LIPI: variants seen among roughly 807,000 people sequenced by gnomAD.
LIPI encodes lipase member I.
Under a neutral mutation model 50.6 loss-of-function variants are expected in LIPI, and 59 were observed. The ratio of observed to expected loss-of-function variants is 1.16; its 90% confidence interval spans 0.94 to 1.45. The LOEUF (loss-of-function observed/expected upper bound fraction) is 1.45. Among genes scored for constraint, LIPI ranks in the 40% most tolerant of loss-of-function variants. LIPI has a pLI of 0.00. For synonymous variants in LIPI, 203 were observed against 178.2 expected (o/e 1.14, Z -1.11); for missense variants, 586 against 536.3 (o/e 1.09, Z -0.92).
At chr21:14,209,691 T>G (rs1247099734) in intron 1 of LIPI, among the ~76,000 whole-genome samples, 1 of 152,118 alleles carries the variant, frequency 6.6e-6, no homozygotes, top group Non-Finnish European at 1.5e-5. Context: ...GGCAACTGAC[T>G]AAATAAATAC....
At chr21:14,188,567 C>CA (rs577516831) in intron 2 of LIPI, among the ~76,000 whole-genome samples, 19,292 of 65,244 alleles carry the variant, frequency 0.3, 3,343 homozygotes, top group Non-Finnish European at 0.34. Context: ...GAACCTGTCT[C>CA]AAAAAAAAAA....
chr21:14,188,295 A>G (rs181106242), intron 2 of LIPI, among the ~76,000 whole-genome samples: 5 of 152,220 alleles, frequency 3.3e-5, no homozygotes, highest in African/African-American at 1.2e-4. Context: ...TACTTTTCAA[A>G]ATGATTTTTT....
chr21:14,133,037 G>A (rs1354205695), intron 9 of LIPI, among the ~76,000 whole-genome samples: 1 of 151,914 alleles, frequency 6.6e-6, no homozygotes, highest in Admixed American at 6.6e-5. Flanking sequence ...AACAAAAAAT[G>A]CCCAGGACCA....
At chr21:14,131,373 T>A (rs914485526) in intron 9 of LIPI, among the ~76,000 whole-genome samples, 1 of 152,114 alleles carries the variant, frequency 6.6e-6, no homozygotes, top group Non-Finnish European at 1.5e-5. Context: ...TCAGTTAGCA[T>A]CCAAGTCCCC....
chr21:14,206,839 G>A, intron 1 of LIPI: 1 of 1,609,694 alleles, frequency 6.2e-7, no homozygotes, highest in Non-Finnish European at 8.5e-7. Context: ...ACAACTAGAA[G>A]CCACAGGACA....
intron 9 of LIPI, among the ~76,000 whole-genome samples, chr21:14,127,863 C>T (rs1290999249): frequency 1.3e-5 from 2 of 151,944 alleles, no homozygotes; most frequent in East Asian, 3.9e-4. Context: ...ATGAAATTGT[C>T]TAAAATGAAG....
intron 1 of LIPI, among the ~76,000 whole-genome samples, chr21:14,204,123 T>G (rs372729767): frequency 2.0e-5 from 3 of 152,076 alleles, no homozygotes; most frequent in East Asian, 3.9e-4. Flanking sequence ...AGGAAGAATA[T>G]CTAATGGATG....
At chr21:14,137,422 G>A (rs2017539976) in intron 9 of LIPI, among the ~76,000 whole-genome samples, 1 of 152,094 alleles carries the variant, frequency 6.6e-6, no homozygotes, top group African/African-American at 2.4e-5. Context: ...CAGAAACTCT[G>A]GAGCTAAAAA....
chr21:14,172,544 T>G (rs896132568), intron 4 of LIPI, among the ~76,000 whole-genome samples: 4 of 151,444 alleles, frequency 2.6e-5, no homozygotes, highest in Non-Finnish European at 4.4e-5. Context: ...CCATAAAAAA[T>G]GATGAGTTCA....
At chr21:14,192,109 A>T (rs1475991402) in intron 1 of LIPI, among the ~76,000 whole-genome samples, 2 of 152,202 alleles carry the variant, frequency 1.3e-5, no homozygotes, top group Non-Finnish European at 2.9e-5. Flanking sequence ...CATTATTGTG[A>T]CATCATATAG....
Position 14,152,553 on chromosome 21 carries a change from A to C in LIPI, c.1118+20T>G. 8.4e-7 allele frequency: 1 copy of C among 1,184,836 alleles called. No homozygotes were observed. The highest frequency in any genetic ancestry group is 1.3e-6 in the Non-Finnish European group (1 of 796,110). 73.4% of individuals were successfully genotyped at this position (1,184,836 alleles called of 1,614,324 possible). On this transcript the variant is annotated intron_variant, in intron 8 of 9. Transcript: ENST00000681601. ...CAAACATTGAATATATGAGAGAAGA[A>C]AATAGTAAATTTTACTTACTCATAA...
intron 9 of LIPI, among the ~76,000 whole-genome samples, chr21:14,122,393 T>C (rs2016897460): frequency 6.6e-6 from 1 of 152,194 alleles, no homozygotes; most frequent in Non-Finnish European, 1.5e-5. Flanking sequence ...AAACCTTTGT[T>C]ACCCACATAT....
chr21:14,196,418 G>A (rs1188766146), intron 1 of LIPI, among the ~76,000 whole-genome samples: 6 of 152,166 alleles, frequency 3.9e-5, no homozygotes, highest in African/African-American at 1.4e-4. Context: ...CAGAGGTGTG[G>A]AAGGGATTAA....
chr21:14,154,184 G>A (rs1325074247), intron 7 of LIPI, among the ~76,000 whole-genome samples: 1 of 151,018 alleles, frequency 6.6e-6, no homozygotes, highest in Non-Finnish European at 1.5e-5. Context: ...ATAAATCAAT[G>A]AATACATTCA....
At chr21:14,134,433 G>GA (rs1281232413) in intron 9 of LIPI, among the ~76,000 whole-genome samples, 3 of 151,650 alleles carry the variant, frequency 2.0e-5, no homozygotes, top group African/African-American at 4.8e-5. Context: ...TATAGAATTA[G>GA]AAAAAAAATC....
intron 9 of LIPI, among the ~76,000 whole-genome samples, chr21:14,115,963 G>A (rs1200492062): frequency 1.3e-5 from 2 of 152,104 alleles, no homozygotes; most frequent in African/African-American, 2.4e-5. Flanking sequence ...CAGCAAGGTA[G>A]AGCTTGCTGG....
intron 9 of LIPI, among the ~76,000 whole-genome samples, chr21:14,122,032 T>C (rs1027048234): frequency 1.3e-5 from 2 of 152,210 alleles, no homozygotes; most frequent in African/African-American, 4.8e-5. Context: ...ATACTATTGC[T>C]TATACTGATT....
chr21:14,157,586 G>T (rs1413195580), intron 7 of LIPI, among the ~76,000 whole-genome samples: 4 of 151,752 alleles, frequency 2.6e-5, no homozygotes, highest in Non-Finnish European at 5.9e-5. Context: ...ATGAGAAAAA[G>T]TTTTGAGGCC....
chr21:14,169,391 C>T (rs2018811234), intron 4 of LIPI, among the ~76,000 whole-genome samples: 1 of 152,124 alleles, frequency 6.6e-6, no homozygotes, highest in South Asian at 2.1e-4. Flanking sequence ...ACTCTCCACC[C>T]CAAATCAACA....
Sources: gnomAD v4.1 joint callset for allele counts (sites outside exome capture counted in the v4.1 genomes callset) on GRCh38, gnomAD v4.1.1 for gene constraint, MANE v1.5 for transcripts, NCBI Gene and HGNC (gene_info 2026-07-23, HGNC 2026-07-21) for gene names.